DPY19L2: variants seen among roughly 807,000 people sequenced by gnomAD.
DPY19L2 encodes dpy-19 like 2.
A neutral mutation model predicts 97.9 loss-of-function variants in DPY19L2; 34 were observed. That is an observed-to-expected ratio of 0.35 (90% confidence interval 0.26 to 0.46). The LOEUF is 0.46. Among genes scored for constraint, DPY19L2 ranks in the 20% least tolerant of loss-of-function variants. The pLI, the probability that DPY19L2 is intolerant of heterozygous loss-of-function variation, is 1.00. For synonymous variants in DPY19L2, 230 were observed against 307.9 expected (o/e 0.75, Z 2.65); for missense variants, 623 against 911.4 (o/e 0.68, Z 4.07).
intron 4 of DPY19L2, among the ~76,000 whole-genome samples, chr12:63,652,779 A>AAGGGTATGAGG (rs149345832): frequency 0.17 from 25,707 of 151,830 alleles, 2,554 homozygotes; most frequent in Non-Finnish European, 0.23. Flanking sequence ...CTTGAGGGTG[A>AAGGGTATGAGG]AGGGTATGAG....
Position 63,580,884 on chromosome 12 carries a change from C to G in DPY19L2, c.1726-48G>C, listed in dbSNP as rs144580305. ...TTTCTAGTTCTTATATGAAGAGTAC[C>G]GTAGGGTCAACAATAAATTCTCACC... On this transcript the variant is annotated intron_variant, in intron 18 of 21. Transcript: ENST00000324472. 1.3e-3 allele frequency: 1,973 copies of G among 1,567,134 alleles called. 32 individuals carry two copies. In the African/African-American group the frequency reaches 0.025, roughly 20 times the overall value.
chr12:63,589,041 C>T (rs1007236214), intron 16 of DPY19L2, among the ~76,000 whole-genome samples: 8 of 151,868 alleles, frequency 5.3e-5, no homozygotes, highest in African/African-American at 1.9e-4. Flanking sequence ...GCGTGAGCCA[C>T]CGCGCCTGGC....
chr12:63,660,771 T>C (rs1895573231), intron 4 of DPY19L2: 1 of 152,160 alleles, frequency 6.6e-6, no homozygotes, highest in Non-Finnish European at 1.5e-5. Flanking sequence ...AACTCAACAG[T>C]AGTATTTACC....
intron 5 of DPY19L2, among the ~76,000 whole-genome samples, chr12:63,645,830 T>C (rs908216894): frequency 2.6e-5 from 4 of 152,046 alleles, no homozygotes; most frequent in African/African-American, 9.7e-5. Flanking sequence ...CTACTTTTGT[T>C]CCTTTACTAA....
chr12:63,615,966 A>G (rs1887755854), intron 11 of DPY19L2, among the ~76,000 whole-genome samples: 1 of 152,136 alleles, frequency 6.6e-6, no homozygotes, highest in South Asian at 2.1e-4. Context: ...AAAAAGTACA[A>G]ATGAAAAAAC....
At chr12:63,642,261 ATACTTTG>A (rs1892802055) in intron 6 of DPY19L2, among the ~76,000 whole-genome samples, 1 of 152,162 alleles carries the variant, frequency 6.6e-6, no homozygotes, top group African/African-American at 2.4e-5. Flanking sequence ...GGTGGGGTAT[ATACTTTG>A]TAAATATCTT....
intron 19 of DPY19L2, among the ~76,000 whole-genome samples, chr12:63,571,160 G>A (rs546224784): frequency 6.6e-6 from 1 of 152,244 alleles, no homozygotes; most frequent in African/African-American, 2.4e-5. Flanking sequence ...AACTGAGCAT[G>A]TGAGGGGTCT....
chr12:63,609,469 A>C (rs1392831507), intron 11 of DPY19L2, among the ~76,000 whole-genome samples: 1 of 152,184 alleles, frequency 6.6e-6, no homozygotes, highest in Non-Finnish European at 1.5e-5. Flanking sequence ...GAATGGGATT[A>C]GTGTGCCCAT....
At chr12:63,634,406 C>A (rs1160090733) in intron 6 of DPY19L2, among the ~76,000 whole-genome samples, 2 of 152,090 alleles carry the variant, frequency 1.3e-5, no homozygotes, top group Non-Finnish European at 2.9e-5. Flanking sequence ...GTGATTTCTG[C>A]ATTTCCAACT....
At chr12:63,583,564 T>C (rs1350120193) in intron 17 of DPY19L2, among the ~76,000 whole-genome samples, 1 of 152,220 alleles carries the variant, frequency 6.6e-6, no homozygotes, top group Non-Finnish European at 1.5e-5. Flanking sequence ...TGCTTGTTAT[T>C]GTTAAATGAA....
intron 21 of DPY19L2, among the ~76,000 whole-genome samples, chr12:63,562,798 C>CTTT (rs59380942): frequency 3.8e-4 from 53 of 139,610 alleles, no homozygotes; most frequent in East Asian, 6.2e-4. Context: ...TCCTTTTGTC[C>CTTT]TTTTTTTTTT....
At chr12:63,566,498 T>C (rs1015432762) in intron 21 of DPY19L2, among the ~76,000 whole-genome samples, 4 of 149,686 alleles carry the variant, frequency 2.7e-5, no homozygotes, top group Non-Finnish European at 5.9e-5. Context: ...ATCATCCATA[T>C]CTATAATTTT....
At chr12:63,666,075 A>G (rs962304260) in intron 1 of DPY19L2, among the ~76,000 whole-genome samples, 2 of 152,200 alleles carry the variant, frequency 1.3e-5, no homozygotes, top group Non-Finnish European at 2.9e-5. Flanking sequence ...CTTGACAAGC[A>G]AAGGGAGAAA....
Position 63,569,267 on chromosome 12 carries a change from T to C in DPY19L2, c.2083A>G (p.Asn695Asp). The C allele has an allele frequency of 6.2e-7, 1 of 1,601,904 alleles. No homozygotes were observed. Among genetic ancestry groups the C allele is most frequent in the Non-Finnish European group, 8.5e-7 (1 of 1,175,514 alleles). ...CATGCCTCTTCTAAAACATAATAAT[T>C]CACATGTAACTCCAACAATTTATCT... The part of the protein sequence containing the change: ...VRDKLLELHV[N>D]YYVLEEAWCV... Residue 695 changes from asparagine to aspartate, a missense_variant, in exon 21 of 22, where the codon AAT (asparagine) becomes GAT (aspartate). By Grantham distance (23) the Asn-to-Asp change is conservative (BLOSUM62 1). Around this residue, in one of 6 missense-constraint regions of DPY19L2, gnomAD observed 294 missense variants for 446.2 expected, o/e 0.66. Coordinates refer to ENST00000324472, the MANE Select transcript of DPY19L2 (RefSeq NM_173812.5).
At chr12:63,624,639 T>TA (rs1453709351) in intron 7 of DPY19L2, among the ~76,000 whole-genome samples, 1 of 152,062 alleles carries the variant, frequency 6.6e-6, no homozygotes, top group Non-Finnish European at 1.5e-5. Context: ...AAATGTACCG[T>TA]AAAAAAAGGT....
intron 11 of DPY19L2, among the ~76,000 whole-genome samples, chr12:63,612,090 T>A (rs1887103675): frequency 6.6e-6 from 1 of 152,006 alleles, no homozygotes; most frequent in Admixed American, 6.6e-5. Flanking sequence ...ACAGATTTCA[T>A]AAGAAAAAAA....
Position 63,626,550 on chromosome 12 carries a change from C to A in DPY19L2, c.804-24G>T, listed in dbSNP as rs7310033. 2,259 of 1,215,844 alleles carry A rather than the reference C, an allele frequency of 1.9e-3. 23 individuals are homozygous for A. The highest frequency in any genetic ancestry group is 3.8e-3 in the Admixed American group (136 of 35,748). 75.3% of individuals were successfully genotyped at this position (1,215,844 alleles called of 1,614,324 possible). A position where few individuals can be genotyped will look rare whatever the true frequency, so the allele number is the denominator to read the frequency against. On this transcript the variant is annotated intron_variant, in intron 6 of 21. Coordinates refer to ENST00000324472, the MANE Select transcript of DPY19L2 (RefSeq NM_173812.5). ...CACTGTAAAAAAAAAACAAAAAAAA[C>A]AGAGAATACAATCAAAATTCATGTA...
In DPY19L2 at chr12:63,629,228, C is replaced by T. The variant is rs566839065; in HGVS notation, c.804-2702G>A. On this transcript the variant is annotated intron_variant, in intron 6 of 21. Coordinates refer to ENST00000324472, the MANE Select transcript of DPY19L2 (RefSeq NM_173812.5). Reference sequence around the variant, plus strand: ...AAAGCTGGATGGAGAATGACTTTGACGAGTTGACAGAAGAAGGCTTCAGAT... The same window carrying T: ...AAAGCTGGATGGAGAATGACTTTGATGAGTTGACAGAAGAAGGCTTCAGAT... 5.7e-4 allele frequency among the ~76,000 whole-genome samples: 86 copies of T among 152,146 alleles called. 1 individual carries two copies. Among genetic ancestry groups the T allele is most frequent in the African/African-American group, 1.8e-3 (74 of 41,522 alleles).
intron 11 of DPY19L2, among the ~76,000 whole-genome samples, chr12:63,611,521 A>G (rs1441524637): frequency 6.6e-6 from 1 of 151,772 alleles, no homozygotes; most frequent in Non-Finnish European, 1.5e-5. Flanking sequence ...GGCAGTTAGT[A>G]TAACTGTATT....
Sources: allele counts gnomAD v4.1 joint callset (sites outside exome capture counted in the v4.1 genomes callset), GRCh38; gene constraint gnomAD v4.1.1; regional missense constraint gnomAD v4.1.1; transcripts MANE v1.5; gene names NCBI Gene and HGNC (gene_info 2026-07-23, HGNC 2026-07-21).